KCNIP1: variants seen among roughly 807,000 people sequenced by gnomAD.
KCNIP1 encodes the protein A-type potassium channel modulatory protein KCNIP1.
Under a neutral mutation model 33.0 loss-of-function variants are expected in KCNIP1, and 18 were observed. The ratio of observed to expected loss-of-function variants is 0.55; its 90% CI spans 0.38 to 0.81. The LOEUF is 0.81. KCNIP1 is among the 30% of genes least tolerant of loss of function. The pLI, the probability that KCNIP1 is intolerant of heterozygous loss-of-function variation, is 0.00. For synonymous variants in KCNIP1, 93 were observed against 98.3 expected, an observed-to-expected ratio of 0.95 and a Z score of 0.32; for missense variants, 238 against 271.6, an observed-to-expected ratio of 0.88 and a Z score of 0.87.
At chr5:170,694,590 A>C (rs1161427900) in intron 1 of KCNIP1, among the ~76,000 whole-genome samples, 2 of 152,236 alleles carry the variant, frequency 1.3e-5, no homozygotes, top group Non-Finnish European at 2.9e-5. Context: ...AATGACTAAT[A>C]GCCAAGCACT....
chr5:170,622,737 A>T (rs1022230000), intron 1 of KCNIP1, among the ~76,000 whole-genome samples: 1 of 151,984 alleles, frequency 6.6e-6, no homozygotes, highest in African/African-American at 2.4e-5. Context: ...GGGCCACCAG[A>T]AGCCAGGGAA....
chr5:170,435,031 G>A (rs1021175159), intron 1 of KCNIP1, among the ~76,000 whole-genome samples: 11 of 152,194 alleles, frequency 7.2e-5, no homozygotes, highest in Admixed American at 6.5e-5. Context: ...GGCCTTGGAC[G>A]CCACTGATGT....
chr5:170,709,664 CT>C (rs1379487803), intron 1 of KCNIP1, among the ~76,000 whole-genome samples: 1 of 152,032 alleles, frequency 6.6e-6, no homozygotes, highest in Non-Finnish European at 1.5e-5. Context: ...TTGTGTTTAT[CT>C]TGCTTGGGGT....
intron 1 of KCNIP1, among the ~76,000 whole-genome samples, chr5:170,683,054 A>G (rs376446583): frequency 1.3e-5 from 2 of 152,012 alleles, no homozygotes; most frequent in Non-Finnish European, 2.9e-5. Context: ...TTTTTGTTTT[A>G]TTACAATAAA....
intron 1 of KCNIP1, among the ~76,000 whole-genome samples, chr5:170,409,887 A>G (rs1389146147): frequency 2.0e-5 from 3 of 152,238 alleles, no homozygotes. Context: ...AGGGGTTAAT[A>G]CCCAGAAAGA....
At chr5:170,450,379 C>T (rs568547059) in intron 1 of KCNIP1, among the ~76,000 whole-genome samples, 1 of 152,310 alleles carries the variant, frequency 6.6e-6, no homozygotes, top group East Asian at 1.9e-4. Flanking sequence ...GACCCCGCAT[C>T]TACTCACAAA....
chr5:170,466,706 T>C (rs543667528), intron 1 of KCNIP1, among the ~76,000 whole-genome samples: 82 of 152,272 alleles, frequency 5.4e-4, no homozygotes, highest in African/African-American at 1.9e-3. Context: ...TCTGGCTATG[T>C]TCTCACATGG....
chr5:170,528,380 A>AG (rs769310308), intron 1 of KCNIP1, among the ~76,000 whole-genome samples: 2 of 152,238 alleles, frequency 1.3e-5, no homozygotes, highest in Non-Finnish European at 2.9e-5. Context: ...AAAGCACTGC[A>AG]GGCCAGACTT....
At chr5:170,698,284 C>A (rs1157164602) in intron 1 of KCNIP1, among the ~76,000 whole-genome samples, 2 of 152,146 alleles carry the variant, frequency 1.3e-5, no homozygotes, top group African/African-American at 4.8e-5. Flanking sequence ...TAGTGACTTA[C>A]CCAAGGCCAC....
intron 1 of KCNIP1, among the ~76,000 whole-genome samples, chr5:170,416,893 A>C (rs1755345856): frequency 6.6e-6 from 1 of 152,244 alleles, no homozygotes; most frequent in South Asian, 2.1e-4. Context: ...AGATATGTTT[A>C]ACAAAGAAAT....
At chr5:170,509,252 C>T (rs888016231) in intron 1 of KCNIP1, among the ~76,000 whole-genome samples, 12 of 152,340 alleles carry the variant, frequency 7.9e-5, no homozygotes, top group African/African-American at 2.9e-4. Flanking sequence ...ATTCTACTCC[C>T]ACTCCCTCAT....
chr5:170,659,447 T>C (rs539505297), intron 1 of KCNIP1, among the ~76,000 whole-genome samples: 31 of 152,296 alleles, frequency 2.0e-4, no homozygotes, highest in Middle Eastern at 3.4e-3. Context: ...ATGTCCACTA[T>C]GGAAAATTTG....
intron 1 of KCNIP1, among the ~76,000 whole-genome samples, chr5:170,391,158 T>C (rs2113364059): frequency 6.6e-6 from 1 of 152,272 alleles, no homozygotes; most frequent in African/African-American, 2.4e-5. Context: ...GATGATCCTC[T>C]GTCCACTCAG....
intron 1 of KCNIP1, among the ~76,000 whole-genome samples, chr5:170,660,184 T>C (rs1480624169): frequency 1.3e-5 from 2 of 152,182 alleles, no homozygotes; most frequent in South Asian, 2.1e-4. Context: ...GATATAGTTA[T>C]AGCCTTCAGA....
rs142231128 is a variant in KCNIP1, at chr5:170,732,978, T to C, written c.540+74T>C. Reference sequence around the variant, plus strand: ...GTCAACCCACGAGCATCTGAGCAAATGATTTGTGTCCAACCCTGTACTAAG... The same window carrying C: ...GTCAACCCACGAGCATCTGAGCAAACGATTTGTGTCCAACCCTGTACTAAG... On this transcript the variant is annotated intron_variant, in intron 6 of 7. Coordinates refer to ENST00000328939, the MANE Select transcript of KCNIP1 (RefSeq NM_014592.4). The C allele has an allele frequency of 1.0e-3, 884 of 884,860 alleles. 9 individuals are homozygous for C. In the African/African-American group the frequency reaches 0.013, roughly 13 times the overall value. 54.8% of individuals were successfully genotyped at this position (884,860 alleles called of 1,614,324 possible).
chr5:170,483,743 G>A (rs776296373), intron 1 of KCNIP1: 2 of 152,154 alleles, frequency 1.3e-5, no homozygotes, highest in Admixed American at 6.5e-5. Flanking sequence ...TCCCAAATAG[G>A]TGCAAGTAGA....
intron 1 of KCNIP1, among the ~76,000 whole-genome samples, chr5:170,659,158 CTT>C (rs57279700): frequency 6.7e-6 from 1 of 149,800 alleles, no homozygotes; most frequent in African/African-American, 2.5e-5. Context: ...TCTCTGATCA[CTT>C]TTTTTTTTAA....
chr5:170,468,669 C>A (rs1336226398), intron 1 of KCNIP1, among the ~76,000 whole-genome samples: 3 of 151,070 alleles, frequency 2.0e-5, no homozygotes, highest in East Asian at 3.9e-4. Flanking sequence ...TAGCTTGAGC[C>A]CAGGAGTTTG....
intron 1 of KCNIP1, among the ~76,000 whole-genome samples, chr5:170,668,861 G>C (rs1203931916): frequency 6.6e-6 from 1 of 152,220 alleles, no homozygotes; most frequent in Non-Finnish European, 1.5e-5. Flanking sequence ...CTTCTGGGAA[G>C]CTGGTTTTGG....
Sources: gnomAD v4.1 joint callset for allele counts (sites outside exome capture counted in the v4.1 genomes callset) on GRCh38, gnomAD v4.1.1 for gene constraint, MANE v1.5 for transcripts, NCBI Gene and HGNC (gene_info 2026-07-23, HGNC 2026-07-21) for gene names.